TNFRSF10B: variants seen among roughly 807,000 people sequenced by gnomAD.
TNFRSF10B encodes the protein TNF receptor superfamily member 10b.
Under a neutral mutation model 41.4 loss-of-function variants are expected in TNFRSF10B, and 35 were observed. The observed-to-expected ratio is 0.85, with a 90% CI of 0.65 to 1.12. The LOEUF (loss-of-function observed/expected upper bound fraction) is 1.12. TNFRSF10B is among the 50% of genes most tolerant of loss of function. The probability of loss-of-function intolerance (pLI) is 0.00; values close to 1 mark genes in which losing one functional copy is unlikely to be tolerated. For synonymous variants in TNFRSF10B, 230 were observed against 215.5 expected, an observed-to-expected ratio of 1.07 and a Z score of -0.59; for missense variants, 584 against 552.7, an observed-to-expected ratio of 1.06 and a Z score of -0.57.
Position 23,022,625 on chromosome 8 carries a change from A to G in TNFRSF10B, c.*46T>C. Reference sequence around the variant, plus strand: ...GGAGTCCAGTTGGGCTTTTTCCAGAAAAAAGGTAAACCAGGGAAGGTCTGA... The same window carrying G: ...GGAGTCCAGTTGGGCTTTTTCCAGAGAAAAGGTAAACCAGGGAAGGTCTGA... On this transcript the variant is annotated 3_prime_UTR_variant, in exon 9 of 9. Transcript: ENST00000276431. The G allele has an allele frequency of 1.2e-6, 2 of 1,612,146 alleles. No individual in the cohort carries two copies. The highest frequency in any genetic ancestry group is 1.7e-6 in the Non-Finnish European group (2 of 1,178,916).
At chr8:23,043,328 C>T (rs1219839009) in intron 1 of TNFRSF10B, 85 bp from the exon 2 acceptor site, 1 of 1,052,068 alleles carries the variant, frequency 9.5e-7, no homozygotes, top group Non-Finnish European at 1.5e-6. Flanking sequence ...TGAGCCCAGG[C>T]ACCCAAGCTA....
intron 1 of TNFRSF10B, among the ~76,000 whole-genome samples, chr8:23,065,887 G>A (rs1488483907): frequency 6.6e-6 from 1 of 152,056 alleles, no homozygotes; most frequent in African/African-American, 2.4e-5. Flanking sequence ...CGTAATAACA[G>A]ATATAATGGT....
At chr8:23,029,896 CACTA>C (rs1811829393) in intron 3 of TNFRSF10B, among the ~76,000 whole-genome samples, 175 bp from the exon 4 acceptor site, 1 of 152,186 alleles carries the variant, frequency 6.6e-6, no homozygotes, top group African/African-American at 2.4e-5. Context: ...CTTCAGCTGT[CACTA>C]ACACTCGTTG....
chr8:23,053,220 C>T (rs562203552), intron 1 of TNFRSF10B, among the ~76,000 whole-genome samples: 2 of 152,288 alleles, frequency 1.3e-5, no homozygotes, highest in South Asian at 2.1e-4. Flanking sequence ...ATAAGTCAGA[C>T]CTTACCTGCA....
intron 2 of TNFRSF10B, among the ~76,000 whole-genome samples, chr8:23,033,868 G>A (rs1585211173): frequency 6.6e-6 from 1 of 151,886 alleles, no homozygotes; most frequent in African/African-American, 2.4e-5. Context: ...TCTTAAAAAG[G>A]CACTAATCCC....
rs1229367266 is a variant in TNFRSF10B, at chr8:23,020,995, A to C, written c.*1676T>G. Reference sequence around the variant, plus strand: ...ACTCCTAAAACTCCACAGACACAACAGTCTGAATGTGTGATCTTCAGGCAA... The same window carrying C: ...ACTCCTAAAACTCCACAGACACAACCGTCTGAATGTGTGATCTTCAGGCAA... On this transcript the variant is annotated 3_prime_UTR_variant, in exon 9 of 9. Transcript: ENST00000276431. 2 of 454,110 alleles carry C rather than the reference A, an allele frequency of 4.4e-6. No individual in the cohort carries two copies. Among genetic ancestry groups the C allele is most frequent in the Non-Finnish European group, 8.8e-6 (2 of 226,784 alleles). 28.1% of individuals were successfully genotyped at this position (454,110 alleles called of 1,614,324 possible).
At chr8:23,045,045 G>A (rs539202261) in intron 1 of TNFRSF10B, among the ~76,000 whole-genome samples, 22 of 110,868 alleles carry the variant, frequency 2.0e-4, no homozygotes, top group Admixed American at 1.7e-3. Context: ...GCAAAACCTC[G>A]TCCCTAATAA....
At chr8:23,055,587 A>G (rs1038336110) in intron 1 of TNFRSF10B, among the ~76,000 whole-genome samples, 3 of 151,350 alleles carry the variant, frequency 2.0e-5, no homozygotes, top group Admixed American at 2.0e-4. Flanking sequence ...GCCCATCAAG[A>G]GTTTTGCTTA....
Position 23,022,727 on chromosome 8 carries a change from A to T in TNFRSF10B, c.1267T>A (p.Leu423Met). The T allele has an allele frequency of 4.3e-6, 7 of 1,614,032 alleles. No homozygotes were observed. The highest frequency in any genetic ancestry group is 5.9e-6 in the Non-Finnish European group (7 of 1,179,962). The change falls in exon 9 of 9, where the codon TTG becomes ATG. Residue 423 changes from leucine to methionine, a missense_variant. Transcript: ENST00000276431. ...LAKQKIEDHL[L>M]SSGKFMYLEG... ...AGATACATGAACTTTCCAGAGCTCA[A>T]CAAGTGGTCCTCAATCTTCTGCTTG...
At chr8:23,023,039 A>C in intron 8 of TNFRSF10B, 55 bp from the exon 9 acceptor site, 1 of 1,591,792 alleles carries the variant, frequency 6.3e-7, no homozygotes, top group Non-Finnish European at 8.5e-7. Flanking sequence ...GAAAGGGCAG[A>C]GGATTCCACA....
Position 23,022,682 on chromosome 8 carries a change from CAG to C in TNFRSF10B, c.1310_1311del (p.Ser437CysfsTer31). The C allele has an allele frequency of 1.9e-6, 3 of 1,614,028 alleles. No homozygotes were observed. The highest frequency in any genetic ancestry group is 2.5e-6 in the Non-Finnish European group (3 of 1,180,034). ...KFMYLEGNAD[S>X]AMS ...GAAGAGAATCACACTTAGGACATGG[CAG>C]AGTCTGCATTACCTTCTAGATACAT... On this transcript the variant is annotated frameshift_variant, in exon 9 of 9. Coordinates refer to ENST00000276431, the MANE Select transcript of TNFRSF10B (RefSeq NM_003842.5). LOFTEE classifies it high-confidence loss of function.
chr8:23,027,040 G>C, intron 7 of TNFRSF10B, 93 bp downstream of exon 7: 1 of 1,588,206 alleles, frequency 6.3e-7, no homozygotes, highest in South Asian at 1.1e-5. Context: ...TTTCCCCTGG[G>C]CCAGGAGAGC....
chr8:23,066,701 TC>T (rs1274051195), intron 1 of TNFRSF10B, among the ~76,000 whole-genome samples: 1 of 151,252 alleles, frequency 6.6e-6, no homozygotes, highest in African/African-American at 2.4e-5. Context: ...AGCCAGACCA[TC>T]CTGGCTAACA....
At chr8:23,051,639 G>C (rs1812521655) in intron 1 of TNFRSF10B, among the ~76,000 whole-genome samples, 2 of 151,822 alleles carry the variant, frequency 1.3e-5, no homozygotes, top group African/African-American at 4.8e-5. Context: ...CTGCCTCCCG[G>C]GTTCACGCCA....
At chr8:23,042,281 C>T (rs1215342347) in intron 2 of TNFRSF10B, among the ~76,000 whole-genome samples, 1 of 152,254 alleles carries the variant, frequency 6.6e-6, no homozygotes, top group Non-Finnish European at 1.5e-5. Flanking sequence ...TCAGGCAAGC[C>T]TTTCCTGTGG....
Position 23,038,564 on chromosome 8 carries a change from T to C in TNFRSF10B, c.250+4574A>G, listed in dbSNP as rs367805589. ...TATGTAACACAAGATATTTTGAATT[T>C]ATATCATAGTATTTAAGTATTGTTC... is the stretch of plus-strand genomic sequence containing the variant. On this transcript the variant is annotated intron_variant, in intron 2 of 8. Coordinates refer to ENST00000276431, the MANE Select transcript of TNFRSF10B (RefSeq NM_003842.5). 3.9e-5 allele frequency among the ~76,000 whole-genome samples: 6 copies of C among 152,338 alleles called. No individual in the cohort carries two copies. The East Asian group carries it at 9.6e-4, about 24-fold the overall frequency.
At chr8:23,059,669 G>C (rs1316943445) in intron 1 of TNFRSF10B, among the ~76,000 whole-genome samples, 1 of 124,256 alleles carries the variant, frequency 8.0e-6, no homozygotes, top group African/African-American at 3.4e-5. Flanking sequence ...ACCACGCCGG[G>C]CTAATTTTTT....
chr8:23,031,375 C>T (rs1204920012), intron 2 of TNFRSF10B, among the ~76,000 whole-genome samples: 2 of 140,484 alleles, frequency 1.4e-5, no homozygotes, highest in African/African-American at 5.3e-5. Context: ...TGCACCCGGC[C>T]TATTTATTTA....
Position 23,028,555 on chromosome 8 carries a change from T to G in TNFRSF10B, c.524A>C (p.Asp175Ala), listed in dbSNP as rs150063854. 1.7e-4 allele frequency: 276 copies of G among 1,613,964 alleles called. No individual in the cohort carries two copies. The highest frequency in any genetic ancestry group is 2.2e-4 in the Non-Finnish European group (260 of 1,179,984). ...VKVGDCTPWS[D>A]IECVHKESGT... Reference sequence around the variant, plus strand: ...TGATTCTTTGTGGACACATTCGATGTCACTCCAGGGTGTACAATCACCGAC... The same window carrying G: ...TGATTCTTTGTGGACACATTCGATGGCACTCCAGGGTGTACAATCACCGAC... Residue 175 changes from aspartate (D) to alanine (A), a missense_variant, in exon 5 of 9, where the codon GAC (aspartate) becomes GCC (alanine). Asp to Ala is a moderately radical substitution (Grantham distance 126). Transcript: ENST00000276431.
Sources: allele counts gnomAD v4.1 joint callset (sites outside exome capture counted in the v4.1 genomes callset), GRCh38; gene constraint gnomAD v4.1.1; transcripts MANE v1.5; gene names NCBI Gene and HGNC (gene_info 2026-07-23, HGNC 2026-07-21).